Variants in TRAPPC9 observed in about 807,000 individuals in gnomAD.
The protein encoded by TRAPPC9 is trafficking protein particle complex subunit 9, also known as IKK2 binding protein.
A neutral mutation model predicts 124.0 loss-of-function variants in TRAPPC9; 83 were observed. The observed-to-expected ratio is 0.67, with a 90% CI of 0.56 to 0.80. The LOEUF (loss-of-function observed/expected upper bound fraction) is 0.80, where lower values mean the gene tolerates loss of function less well. Ranked by LOEUF, TRAPPC9 falls within the 30% of genes least tolerant of loss-of-function variation. The probability of loss-of-function intolerance (pLI) is 0.00; values close to 1 mark genes in which losing one functional copy is unlikely to be tolerated. For synonymous variants in TRAPPC9, 638 were observed against 617.5 expected, an observed-to-expected ratio of 1.03 and a Z score of -0.49; for missense variants, 1,302 against 1,508.3, an observed-to-expected ratio of 0.86 and a Z score of 2.27.
At chr8:140,326,365 C>T (rs2066738233) in intron 9 of TRAPPC9, among the ~76,000 whole-genome samples, 1 of 152,112 alleles carries the variant, frequency 6.6e-6, no homozygotes, top group South Asian at 2.1e-4. Flanking sequence ...TTTGGTGATG[C>T]AGAGGCAGGC....
intron 5 of TRAPPC9, among the ~76,000 whole-genome samples, chr8:140,423,579 T>TACAC (rs35333495): frequency 0.066 from 9,550 of 145,306 alleles, 594 homozygotes; most frequent in African/African-American, 0.17. Flanking sequence ...AAATGTGGCA[T>TACAC]ACACACACAC....
intron 17 of TRAPPC9, among the ~76,000 whole-genome samples, chr8:140,203,084 T>A (rs1365913589): frequency 1.3e-5 from 2 of 152,234 alleles, no homozygotes; most frequent in Non-Finnish European, 2.9e-5. Context: ...TGGTTTGGAC[T>A]ACCTTGTTAT....
chr8:140,399,429 C>G (rs1281913682), intron 6 of TRAPPC9, among the ~76,000 whole-genome samples: 1 of 152,248 alleles, frequency 6.6e-6, no homozygotes, highest in Non-Finnish European at 1.5e-5. Context: ...TGCAAAGCCA[C>G]AGGGGCAGGG....
At chr8:140,416,404 G>A (rs564155722) in intron 5 of TRAPPC9, among the ~76,000 whole-genome samples, 40 of 152,104 alleles carry the variant, frequency 2.6e-4, no homozygotes, top group Admixed American at 1.6e-3. Context: ...AAATCTCCCA[G>A]AAAGAAAAGC....
chr8:139,839,611 C>T (rs1164587946), intron 21 of TRAPPC9, among the ~76,000 whole-genome samples: 1 of 152,320 alleles, frequency 6.6e-6, no homozygotes, highest in African/African-American at 2.4e-5. Flanking sequence ...ATGTTCGGAA[C>T]CCACAGTAAC....
intron 17 of TRAPPC9, among the ~76,000 whole-genome samples, chr8:140,047,116 G>A (rs1033855268): frequency 6.6e-6 from 1 of 152,176 alleles, no homozygotes; most frequent in African/African-American, 2.4e-5. Flanking sequence ...CCTGGGCCCC[G>A]CCAGCCTCTC....
intron 21 of TRAPPC9, among the ~76,000 whole-genome samples, chr8:139,859,395 G>A (rs776747423): frequency 2.6e-5 from 4 of 152,120 alleles, no homozygotes; most frequent in Admixed American, 1.3e-4. Flanking sequence ...TTAAGGCAGC[G>A]CTTCTATTGC....
At chr8:140,217,680 G>A (rs982677630) in intron 17 of TRAPPC9, among the ~76,000 whole-genome samples, 1 of 152,194 alleles carries the variant, frequency 6.6e-6, no homozygotes, top group African/African-American at 2.4e-5. Flanking sequence ...AAGGAACACA[G>A]ATCGTGAAAG....
At chr8:140,403,869 G>A (rs530118797) in intron 6 of TRAPPC9, among the ~76,000 whole-genome samples, 190 of 151,938 alleles carry the variant, frequency 1.3e-3, no homozygotes, top group Non-Finnish European at 2.3e-3. Flanking sequence ...TGTTGCCCGG[G>A]GTGGTCTCAA....
Position 140,273,086 on chromosome 8 carries a change from G to A in TRAPPC9, c.2278+2572C>T, listed in dbSNP as rs545027048. 1.3e-4 allele frequency among the ~76,000 whole-genome samples: 20 copies of A among 152,200 alleles called. No homozygotes were observed. The South Asian group carries it at 2.7e-3, about 21-fold the overall frequency. ...TTAGTGTTATTTTACAGAACAGTAGGGCCAGACAGTGCCCTCCCCAGAGGT... is the reference window on the plus strand; with the variant it reads ...TTAGTGTTATTTTACAGAACAGTAGAGCCAGACAGTGCCCTCCCCAGAGGT... On this transcript the variant is annotated intron_variant, in intron 15 of 22. Coordinates refer to ENST00000438773, the MANE Select transcript of TRAPPC9 (RefSeq NM_001160372.4).
chr8:140,410,141 C>CAA (rs61149910), intron 5 of TRAPPC9, among the ~76,000 whole-genome samples: 827 of 70,146 alleles, frequency 0.012, 67 homozygotes, highest in East Asian at 0.021. Context: ...ACCTTGTCTC[C>CAA]AAAAAAAAAA....
intron 17 of TRAPPC9, among the ~76,000 whole-genome samples, chr8:140,125,841 T>C (rs1355182189): frequency 1.3e-5 from 2 of 152,104 alleles, no homozygotes; most frequent in Admixed American, 1.3e-4. Context: ...GAAACAACGA[T>C]TAGACATCTC....
At chr8:140,357,501 G>C (rs1284197964) in intron 9 of TRAPPC9, among the ~76,000 whole-genome samples, 1 of 152,034 alleles carries the variant, frequency 6.6e-6, no homozygotes, top group Non-Finnish European at 1.5e-5. Flanking sequence ...ATGGGTCAGG[G>C]ATGGCACCCG....
intron 16 of TRAPPC9, chr8:140,238,325 G>A (rs2063771275): frequency 6.6e-6 from 1 of 152,228 alleles, no homozygotes; most frequent in Non-Finnish European, 1.5e-5. Flanking sequence ...CAGTGGCTAG[G>A]GAGACGTGCA....
intron 21 of TRAPPC9, among the ~76,000 whole-genome samples, chr8:139,814,468 C>T (rs953267904): frequency 1.3e-5 from 2 of 152,112 alleles, no homozygotes; most frequent in Non-Finnish European, 2.9e-5. Context: ...AAAAGGACCC[C>T]GGGGCCCCTG....
At chr8:139,976,231 C>G (rs2131635009) in intron 19 of TRAPPC9, among the ~76,000 whole-genome samples, 1 of 152,150 alleles carries the variant, frequency 6.6e-6, no homozygotes, top group East Asian at 1.9e-4. Context: ...AACTGGATAT[C>G]CATATGCAAC....
chr8:140,293,167 A>C (rs1398151366), intron 11 of TRAPPC9, among the ~76,000 whole-genome samples: 3 of 147,902 alleles, frequency 2.0e-5, no homozygotes. Context: ...ACAATGAGAT[A>C]CCATCTCACA....
intron 18 of TRAPPC9, among the ~76,000 whole-genome samples, chr8:140,007,268 T>C (rs1213550003): frequency 1.3e-5 from 2 of 152,230 alleles, no homozygotes; most frequent in East Asian, 1.9e-4. Context: ...AACTCTGCAA[T>C]TGTGCCTCCG....
chr8:139,826,669 G>T (rs1028794628), intron 21 of TRAPPC9, among the ~76,000 whole-genome samples: 1 of 152,328 alleles, frequency 6.6e-6, no homozygotes, highest in South Asian at 2.1e-4. Context: ...CCTGGCCCGG[G>T]GCTCTGGCTC....
Sources: allele counts gnomAD v4.1 joint callset (sites outside exome capture counted in the v4.1 genomes callset), GRCh38; gene constraint gnomAD v4.1.1; transcripts MANE v1.5; gene names NCBI Gene and HGNC (gene_info 2026-07-23, HGNC 2026-07-21).